The following TSHR variants were observed in gnomAD, a reference collection of about 807,000 sequenced individuals.
The protein encoded by TSHR is thyrotropin receptor.
Under a neutral mutation model 64.1 loss-of-function variants are expected in TSHR, and 51 were observed. The observed-to-expected ratio is 0.80, with a 90% CI of 0.64 to 1.01. The LOEUF is 1.01. TSHR is among the 50% of genes least tolerant of loss of function. The probability of loss-of-function intolerance (pLI) is 0.00; values close to 1 mark genes in which losing one functional copy is unlikely to be tolerated. For missense variants in TSHR, 877 were observed against 942.8 expected (o/e 0.93, Z 0.91); for synonymous variants, 361 against 361.9 (o/e 1.00, Z 0.03).
chr14:81,031,248 T>C (rs1884331736), intron 1 of TSHR, among the ~76,000 whole-genome samples: 1 of 152,164 alleles, frequency 6.6e-6, no homozygotes, highest in Non-Finnish European at 1.5e-5. Context: ...ACCATCCTAC[T>C]CTTGGCATGA....
intron 1 of TSHR, among the ~76,000 whole-genome samples, chr14:80,986,429 T>C (rs573481561): frequency 3.0e-4 from 46 of 152,364 alleles, no homozygotes; most frequent in African/African-American, 1.0e-3. Flanking sequence ...TTAGCTATTA[T>C]ACGTAGCTAA....
chr14:80,965,209 G>A (rs1219013392), intron 1 of TSHR, among the ~76,000 whole-genome samples: 6 of 152,168 alleles, frequency 3.9e-5, no homozygotes, highest in African/African-American at 1.2e-4. Context: ...GCAACACTGC[G>A]CTTGGGGTGT....
At chr14:81,024,643 C>A (rs1343677240) in intron 1 of TSHR, among the ~76,000 whole-genome samples, 1 of 152,118 alleles carries the variant, frequency 6.6e-6, no homozygotes, top group Non-Finnish European at 1.5e-5. Flanking sequence ...AGTTTTTATA[C>A]CTGCTGGTGT....
chr14:81,085,044 C>T (rs1332971496), intron 3 of TSHR, among the ~76,000 whole-genome samples: 1 of 152,220 alleles, frequency 6.6e-6, no homozygotes, highest in African/African-American at 2.4e-5. Flanking sequence ...TCACTGCAAC[C>T]TCTGCCTCCT....
At chr14:81,098,931 A>G (rs1035362901) in intron 7 of TSHR, among the ~76,000 whole-genome samples, 2 of 152,214 alleles carry the variant, frequency 1.3e-5, no homozygotes, top group African/African-American at 4.8e-5. Context: ...CTATGCTTCA[A>G]ATTAACTGCC....
At chr14:81,039,221 A>G (rs1242466938) in intron 1 of TSHR, among the ~76,000 whole-genome samples, 2 of 152,030 alleles carry the variant, frequency 1.3e-5, no homozygotes, top group Non-Finnish European at 2.9e-5. Flanking sequence ...ATCAATAAGC[A>G]TCATACATCA....
At chr14:80,979,367 G>A (rs1459476085) in intron 1 of TSHR, among the ~76,000 whole-genome samples, 2 of 152,220 alleles carry the variant, frequency 1.3e-5, no homozygotes, top group African/African-American at 4.8e-5. Flanking sequence ...GCTGTGCAGA[G>A]GGTAGGGGGA....
At chr14:81,069,409 T>C (rs549048517) in intron 3 of TSHR, among the ~76,000 whole-genome samples, 2 of 152,284 alleles carry the variant, frequency 1.3e-5, no homozygotes, top group South Asian at 2.1e-4. Context: ...AGATCAACTA[T>C]TGGTCTGAGA....
intron 1 of TSHR, among the ~76,000 whole-genome samples, chr14:81,021,633 A>G (rs1352916657): frequency 6.6e-6 from 1 of 152,216 alleles, no homozygotes; most frequent in Non-Finnish European, 1.5e-5. Flanking sequence ...TCTACCTTAT[A>G]TTCAATGGAC....
In TSHR at chr14:81,144,343, C is replaced by T. The variant is rs767693393; in HGVS notation, c.2285C>T (p.Thr762Met). 9.9e-6 allele frequency: 16 copies of T among 1,614,108 alleles called. No homozygotes were observed. The highest frequency in any genetic ancestry group is 4.5e-5 in the East Asian group (2 of 44,890). Residue 762 changes from threonine (T) to methionine (M), a missense_variant, in exon 10 of 10, where the codon ACG becomes ATG. Coordinates refer to ENST00000298171, the MANE Select transcript of TSHR (RefSeq NM_000369.5). ...QGQISEEYMQ[T>M]VL ...CAAATCTCAGAAGAGTATATGCAAA[C>T]GGTTTTGTAAGTTAACACTACACTA...
At chr14:81,092,307 C>A (rs1888801358) in intron 5 of TSHR, among the ~76,000 whole-genome samples, 2 of 152,134 alleles carry the variant, frequency 1.3e-5, no homozygotes, top group South Asian at 4.1e-4. Context: ...CTAAAGCTCT[C>A]ACTTACCCCA....
intron 1 of TSHR, among the ~76,000 whole-genome samples, chr14:81,056,793 T>C (rs1010353809): frequency 1.3e-5 from 2 of 152,194 alleles, no homozygotes; most frequent in Admixed American, 6.5e-5. Context: ...TTCTGGCCAG[T>C]ATGCCATTCT....
At chr14:81,030,295 C>T (rs1030756405) in intron 1 of TSHR, among the ~76,000 whole-genome samples, 1 of 151,894 alleles carries the variant, frequency 6.6e-6, no homozygotes, top group South Asian at 2.1e-4. Flanking sequence ...TGTCTCTTGG[C>T]GAAAAGACCA....
chr14:81,064,299 G>C (rs1159133633), intron 2 of TSHR, among the ~76,000 whole-genome samples: 2 of 152,146 alleles, frequency 1.3e-5, no homozygotes, highest in Non-Finnish European at 2.9e-5. Flanking sequence ...ATAAATAAGG[G>C]AGGGCTGATC....
chr14:81,085,568 A>G (rs1888228579), intron 3 of TSHR, among the ~76,000 whole-genome samples: 1 of 151,920 alleles, frequency 6.6e-6, no homozygotes, highest in Admixed American at 6.6e-5. Flanking sequence ...TGCCAGCCTC[A>G]TTTAATCAAC....
intron 1 of TSHR, among the ~76,000 whole-genome samples, chr14:81,039,844 T>C (rs993978127): frequency 6.6e-6 from 1 of 151,986 alleles, no homozygotes; most frequent in Non-Finnish European, 1.5e-5. Flanking sequence ...GATAAAGATA[T>C]CTTGAGTTCA....
intron 1 of TSHR, chr14:80,993,682 G>T (rs929143196): frequency 1.3e-5 from 2 of 152,018 alleles, no homozygotes; most frequent in African/African-American, 4.8e-5. Context: ...CACACCAATG[G>T]ATCATCATGG....
At chr14:81,021,557 T>C (rs1172898845) in intron 1 of TSHR, among the ~76,000 whole-genome samples, 2 of 152,196 alleles carry the variant, frequency 1.3e-5, no homozygotes, top group African/African-American at 2.4e-5. Context: ...AAGTAAATCA[T>C]GTTCTTTTGC....
rs1270926215 is a variant in TSHR at position 80,982,978 on chromosome 14, C to T, written c.170+27128C>T. On this transcript the variant is annotated intron_variant, in intron 1 of 9. Transcript: ENST00000298171. ...GGAATTTGAACAACTTGTTAACTTA[C>T]TTAAGTCAACTACTGATCCTCTTGT... 9.4e-6 allele frequency: 5 copies of T among 530,590 alleles called. No homozygotes were observed. The East Asian group carries it at 1.2e-4, about 13-fold the overall frequency. The allele number at this position is 530,590 out of a possible 1,614,324, so 32.9% of individuals were successfully genotyped here. A position where few individuals can be genotyped will look rare whatever the true frequency, so the allele number is the denominator to read the frequency against.
Sources: gnomAD v4.1 joint callset for allele counts (sites outside exome capture counted in the v4.1 genomes callset) on GRCh38, gnomAD v4.1.1 for gene constraint, MANE v1.5 for transcripts, NCBI Gene and HGNC (gene_info 2026-07-23, HGNC 2026-07-21) for gene names.